SGSM2: variants seen among roughly 807,000 people sequenced by gnomAD.
SGSM2 encodes the protein RUN and TBC1 domain containing 1.
Under a neutral mutation model 126.6 loss-of-function variants are expected in SGSM2, and 89 were observed. The ratio of observed to expected loss-of-function variants is 0.70; its 90% CI spans 0.59 to 0.84. The LOEUF (loss-of-function observed/expected upper bound fraction) is 0.84, where lower values mean the gene tolerates loss of function less well. SGSM2 is among the 40% of genes least tolerant of loss of function. The pLI is 0.00. For synonymous variants in SGSM2, 614 were observed against 574.3 expected (o/e 1.07, Z -0.99); for missense variants, 1,404 against 1,416.6 (o/e 0.99, Z 0.14).
chr17:2,372,617 C>T lies in SGSM2; in HGVS notation c.1788+129C>T. Reference sequence around the variant, plus strand: ...GCCGATGCCACGGAGTGACCAGGGTCCCGGCAGAATCTCTTGCAGCTGGGC... The same window carrying T: ...GCCGATGCCACGGAGTGACCAGGGTTCCGGCAGAATCTCTTGCAGCTGGGC... On this transcript the variant is annotated intron_variant, in intron 15 of 23. Coordinates refer to ENST00000268989, the MANE Select transcript of SGSM2 (RefSeq NM_014853.3). This position sits in a 1 kb window ranked among gnomAD's most constrained non-coding sequence, Gnocchi z 6.0. 1 of 1,313,986 alleles carries T rather than the reference C, an allele frequency of 7.6e-7. No homozygotes were observed. Among genetic ancestry groups the T allele is most frequent in the Non-Finnish European group, 1.0e-6 (1 of 953,840 alleles). The allele number at this position is 1,313,986 out of a possible 1,614,324, so 81.4% of individuals were successfully genotyped here.
At chr17:2,369,783 C>G (rs2065777689) in intron 12 of SGSM2, among the ~76,000 whole-genome samples, 1 of 152,032 alleles carries the variant, frequency 6.6e-6, no homozygotes, top group Admixed American at 6.5e-5. Flanking sequence ...CTGTCCTCTT[C>G]TCTCCTGCCT....
chr17:2,352,838 C>T (rs1255593180), intron 2 of SGSM2, among the ~76,000 whole-genome samples: 2 of 111,742 alleles, frequency 1.8e-5, no homozygotes, highest in Non-Finnish European at 3.4e-5. Flanking sequence ...AGTGCAGTGG[C>T]GCGATCTCGG....
chr17:2,361,968 C>T, intron 3 of SGSM2, 141 bp from the exon 4 acceptor site: 1 of 1,302,464 alleles, frequency 7.7e-7, no homozygotes, highest in South Asian at 1.4e-5. Flanking sequence ...GGGCACAAGG[C>T]TCTGTACCCC....
rs112332803 is a variant in SGSM2, at chr17:2,345,019, G to A, written c.133+1399G>A. 1.2e-3 allele frequency among the ~76,000 whole-genome samples: 179 copies of A among 152,242 alleles called. 1 individual carries two copies. Among genetic ancestry groups the A allele is most frequent in the African/African-American group, 3.9e-3 (160 of 41,540 alleles). On this transcript the variant is annotated intron_variant, in intron 2 of 23. Coordinates refer to ENST00000268989, the MANE Select transcript of SGSM2 (RefSeq NM_014853.3). The stretch of plus-strand genomic sequence containing the variant: ...TAGGACTTGAGTTCATACCATGTCC[G>A]TTTGGGAAGGTTTCCCCAGTTCTTT...
At chr17:2,365,181 T>G (rs2065502985) in intron 10 of SGSM2, 34 bp from the exon 11 acceptor site, 1 of 1,598,900 alleles carries the variant, frequency 6.3e-7, no homozygotes, top group African/African-American at 1.3e-5. Context: ...GACTCTGCCC[T>G]ATACAGCCCG....
chr17:2,354,657 G>A (rs1449457898), intron 2 of SGSM2, among the ~76,000 whole-genome samples: 6 of 152,226 alleles, frequency 3.9e-5, no homozygotes, highest in Admixed American at 6.5e-5. Flanking sequence ...TGGATCAGAG[G>A]TTATTTGCAG....
chr17:2,372,039 C>A lies in SGSM2; in HGVS notation c.1578-151C>A. Reference sequence around the variant, plus strand: ...GTCCAGGTGGCAGGCAGGGACAGGGCACCCACTGACGGCTGCTGGGCTGCG... The same window carrying A: ...GTCCAGGTGGCAGGCAGGGACAGGGAACCCACTGACGGCTGCTGGGCTGCG... On this transcript the variant is annotated intron_variant, in intron 13 of 23. Transcript: ENST00000268989. The surrounding 1 kb of genome is among the most constrained non-coding windows in gnomAD (Gnocchi z 6.0). 1.1e-6 allele frequency: 1 copy of A among 881,412 alleles called. No homozygotes were observed. The highest frequency in any genetic ancestry group is 1.8e-6 in the Non-Finnish European group (1 of 562,352). 54.6% of individuals were successfully genotyped at this position (881,412 alleles called of 1,614,324 possible).
At position 2,363,397 on chromosome 17, in the gene SGSM2, C is replaced by T. The variant is rs1177361686; in HGVS notation, c.673-68C>T. On this transcript the variant is annotated intron_variant, in intron 6 of 23. Coordinates refer to ENST00000268989, the MANE Select transcript of SGSM2 (RefSeq NM_014853.3). This position sits in a 1 kb window ranked among gnomAD's most constrained non-coding sequence, Gnocchi z 4.2. ...CAGCTGGAGAGGGTCAGCATGGAAG[C>T]GTGAGGGTTCCCAAGCCTTGAGGCC... The T allele has an allele frequency of 1.1e-5, 17 of 1,600,458 alleles. No individual in the cohort carries two copies. Among genetic ancestry groups the T allele is most frequent in the South Asian group, 5.5e-5 (5 of 90,572 alleles).
At chr17:2,366,827 A>T (rs1335274809) in intron 11 of SGSM2, 1 of 154,496 alleles carries the variant, frequency 6.5e-6, no homozygotes, top group Non-Finnish European at 1.4e-5. Context: ...GGAGGGAAGA[A>T]GGTGGAATTT....
chr17:2,341,115 G>A (rs961213141), intron 1 of SGSM2, among the ~76,000 whole-genome samples: 1 of 151,652 alleles, frequency 6.6e-6, no homozygotes, highest in African/African-American at 2.4e-5. Context: ...AATCTAGGAA[G>A]TTTTTTTTGT....
rs1166307195 is a variant in SGSM2 at position 2,337,768 on chromosome 17, G to A, written c.57+23G>A. ...GAGGTAAAGTCGAGTCAAGAACCCCGGGGGGCTCGCGCCCTGGCCCGCGCG... is the reference window on the plus strand; with the variant it reads ...GAGGTAAAGTCGAGTCAAGAACCCCAGGGGGCTCGCGCCCTGGCCCGCGCG... On this transcript the variant is annotated intron_variant, in intron 1 of 23. Transcript: ENST00000268989. This position sits in a 1 kb window ranked among gnomAD's most constrained non-coding sequence, Gnocchi z 5.1. 2.0e-6 allele frequency: 3 copies of A among 1,504,382 alleles called. No homozygotes were observed. Among genetic ancestry groups the A allele is most frequent in the Non-Finnish European group, 2.7e-6 (3 of 1,119,782 alleles). The allele number at this position is 1,504,382 out of a possible 1,614,324, so 93.2% of individuals were successfully genotyped here.
chr17:2,371,823 G>A (rs1023787031), intron 13 of SGSM2: 12 of 385,874 alleles, frequency 3.1e-5, no homozygotes, highest in Non-Finnish European at 4.7e-5. Context: ...CGTGTGCCAG[G>A]GCAGTGAGTG....
chr17:2,354,871 G>A lies in SGSM2; in HGVS notation c.134-6766G>A, dbSNP rs112679443. Among the ~76,000 whole-genome samples the A allele has an allele frequency of 7.2e-5, 10 of 139,006 alleles. No individual in the cohort carries two copies. The East Asian group carries it at 2.0e-3, about 27-fold the overall frequency. The allele number at this position is 139,006 out of a possible 152,430, so 91.2% of individuals were successfully genotyped here. On this transcript the variant is annotated intron_variant, in intron 2 of 23. Transcript: ENST00000268989. ...CAGGGACCCTATATCTTAGAATGGT[G>A]GAATCGGGGTGTAAGCGTTGGGGAA...
At chr17:2,359,305 G>A (rs1040147843) in intron 2 of SGSM2, among the ~76,000 whole-genome samples, 8 of 152,122 alleles carry the variant, frequency 5.3e-5, no homozygotes, top group Non-Finnish European at 7.3e-5. Flanking sequence ...TTCATCACAC[G>A]TGCACACTCT....
At position 2,342,260 on chromosome 17, in the gene SGSM2, AC is replaced by A. The variant is rs1319694968; in HGVS notation, c.58-1284del. Among the ~76,000 whole-genome samples the A allele has an allele frequency of 1.8e-3, 267 of 148,778 alleles. 1 individual carries two copies. The highest frequency in any genetic ancestry group is 3.3e-3 in the Admixed American group (50 of 14,974). On this transcript the variant is annotated intron_variant, in intron 1 of 23. Coordinates refer to ENST00000268989, the MANE Select transcript of SGSM2 (RefSeq NM_014853.3). ...GAGAAACCCCGTCTCTACTAAAAAT[AC>A]AAAAAAAAAAAAAAAAGCCAGGTGT...
At position 2,375,835 on chromosome 17, in the gene SGSM2, C is replaced by T; in HGVS notation, c.2444C>T (p.Ala815Val). 6.5e-7 allele frequency: 1 copy of T among 1,539,114 alleles called. No homozygotes were observed. The change falls in exon 18 of 24, where the codon GCC becomes GTC. Residue 815 changes from alanine (A) to valine (V), a missense_variant. Coordinates refer to ENST00000268989, the MANE Select transcript of SGSM2 (RefSeq NM_014853.3). ...QEKPQAGELEAGEELAAVCAA... is the reference protein window; with the variant it reads ...QEKPQAGELEVGEELAAVCAA... ...AAGCCTCAGGCCGGAGAACTGGAGG[C>T]CGGAGAGGAGCTTGCGGCTGTGTGT...
intron 8 of SGSM2, 194 bp downstream of exon 8, chr17:2,364,377 G>T: frequency 2.3e-6 from 2 of 864,876 alleles, no homozygotes; most frequent in Non-Finnish European, 3.6e-6. Flanking sequence ...CCGTGAAGAG[G>T]TTTGTCTGAG....
chr17:2,370,590 C>G (rs534642476), intron 12 of SGSM2, among the ~76,000 whole-genome samples: 1 of 152,248 alleles, frequency 6.6e-6, no homozygotes, highest in Non-Finnish European at 1.5e-5. Flanking sequence ...CGGGAGGCCA[C>G]CATGCTAACT....
At chr17:2,345,691 C>T (rs1459723740) in intron 2 of SGSM2, among the ~76,000 whole-genome samples, 1 of 151,962 alleles carries the variant, frequency 6.6e-6, no homozygotes, top group South Asian at 2.1e-4. Flanking sequence ...AGACATCTGC[C>T]AGCCTCTGCC....
Sources: allele counts gnomAD v4.1 joint callset (sites outside exome capture counted in the v4.1 genomes callset), GRCh38; gene constraint gnomAD v4.1.1; non-coding constraint Gnocchi (gnomAD v3.1); transcripts MANE v1.5; gene names NCBI Gene and HGNC (gene_info 2026-07-23, HGNC 2026-07-21).